The following GABRG3 variants were observed in gnomAD, a reference collection of about 807,000 sequenced individuals.
GABRG3 encodes the protein gamma-aminobutyric acid type A receptor subunit gamma3, also known as gamma-aminobutyric acid receptor subunit gamma-3.
GABRG3 carries 25 observed loss-of-function variants against 48.8 expected under a neutral mutation model. The ratio of observed to expected loss-of-function variants is 0.51; its 90% CI spans 0.37 to 0.72. GABRG3 has a LOEUF of 0.72. GABRG3 is among the 30% of genes least tolerant of loss of function. The pLI is 0.00. For synonymous variants in GABRG3, 227 were observed against 217.6 expected, an observed-to-expected ratio of 1.04 and a Z score of -0.38; for missense variants, 394 against 577.9, an observed-to-expected ratio of 0.68 and a Z score of 3.26.
chr15:27,182,411 T>C (rs2140417460), intron 3 of GABRG3, among the ~76,000 whole-genome samples: 1 of 152,326 alleles, frequency 6.6e-6, no homozygotes, highest in African/African-American at 2.4e-5. Flanking sequence ...GGCAGCTACA[T>C]CCATGGATTG....
intron 5 of GABRG3, among the ~76,000 whole-genome samples, chr15:27,442,424 C>A (rs1426241311): frequency 6.6e-6 from 1 of 152,210 alleles, no homozygotes; most frequent in Admixed American, 6.5e-5. Flanking sequence ...GAATACACTC[C>A]TGTGCACATG....
At chr15:27,272,887 A>T (rs978608943) in intron 3 of GABRG3, among the ~76,000 whole-genome samples, 2 of 152,240 alleles carry the variant, frequency 1.3e-5, no homozygotes, top group Non-Finnish European at 2.9e-5. Flanking sequence ...CCATTGAAAC[A>T]TATACCCTAC....
intron 3 of GABRG3, among the ~76,000 whole-genome samples, chr15:27,101,910 T>G (rs1897366691): frequency 6.6e-6 from 1 of 151,904 alleles, no homozygotes; most frequent in Non-Finnish European, 1.5e-5. Flanking sequence ...TTTATGAATT[T>G]GTGTTGGGCT....
intron 5 of GABRG3, among the ~76,000 whole-genome samples, chr15:27,376,700 A>C (rs9707944): frequency 0.5 from 76,004 of 151,962 alleles, 20,611 homozygotes; most frequent in African/African-American, 0.71. Flanking sequence ...CCCTAGGCTG[A>C]ACACCACAGG....
At chr15:27,215,354 G>A (rs965566660) in intron 3 of GABRG3, among the ~76,000 whole-genome samples, 1 of 152,134 alleles carries the variant, frequency 6.6e-6, no homozygotes, top group Non-Finnish European at 1.5e-5. Flanking sequence ...ATTTGCCTTG[G>A]CAAGCCCTCC....
chr15:27,368,301 T>C (rs1595708752), intron 5 of GABRG3, among the ~76,000 whole-genome samples: 1 of 152,116 alleles, frequency 6.6e-6, no homozygotes, highest in African/African-American at 2.4e-5. Flanking sequence ...TGGAGGTGTG[T>C]GGGCAAAGCA....
At chr15:27,465,296 C>T (rs985111238) in intron 5 of GABRG3, among the ~76,000 whole-genome samples, 10 of 152,166 alleles carry the variant, frequency 6.6e-5, no homozygotes, top group Admixed American at 3.9e-4. Flanking sequence ...TGCGTTTTCA[C>T]GTTTTTAAAG....
rs187739196 is a variant in GABRG3 at position 27,523,956 on chromosome 15, G to T, written c.866-3477G>T. Among the ~76,000 whole-genome samples, 4 of 151,932 alleles carry T rather than the reference G, an allele frequency of 2.6e-5. No homozygotes were observed. The East Asian group carries it at 5.8e-4, about 22-fold the overall frequency. On this transcript the variant is annotated intron_variant, in intron 7 of 9. Transcript: ENST00000615808. ...TCCAGAAAAAGAGAAATAGAATGGG[G>T]CTAAAAAAAATATTCAAAGAAACAA...
At chr15:27,133,249 T>C (rs1434946280) in intron 3 of GABRG3, among the ~76,000 whole-genome samples, 1 of 152,216 alleles carries the variant, frequency 6.6e-6, no homozygotes, top group Non-Finnish European at 1.5e-5. Flanking sequence ...CTACTTTTTT[T>C]CTACCAGCCT....
chr15:27,053,701 A>G (rs540565197), intron 3 of GABRG3, among the ~76,000 whole-genome samples: 1 of 152,370 alleles, frequency 6.6e-6, no homozygotes, highest in South Asian at 2.1e-4. Context: ...TATTCACAAT[A>G]GCAAAGACAT....
intron 5 of GABRG3, among the ~76,000 whole-genome samples, chr15:27,380,829 A>T (rs566430870): frequency 2.0e-5 from 3 of 148,694 alleles, no homozygotes; most frequent in African/African-American, 7.5e-5. Flanking sequence ...GCAGTGGCGT[A>T]ATCTCGGCTC....
chr15:27,410,128 A>G (rs1023219591), intron 5 of GABRG3, among the ~76,000 whole-genome samples: 1 of 152,290 alleles, frequency 6.6e-6, no homozygotes, highest in African/African-American at 2.4e-5. Flanking sequence ...TTATAAGTAG[A>G]TATTAAATTT....
At chr15:27,151,270 C>T (rs79667201) in intron 3 of GABRG3, among the ~76,000 whole-genome samples, 1,833 of 152,022 alleles carry the variant, frequency 0.012, 38 homozygotes, top group African/African-American at 0.042. Context: ...CTCCTGGCAA[C>T]GACTAATCTG....
At chr15:27,193,451 C>A (rs1036173667) in intron 3 of GABRG3, among the ~76,000 whole-genome samples, 1 of 151,274 alleles carries the variant, frequency 6.6e-6, no homozygotes, top group Non-Finnish European at 1.5e-5. Flanking sequence ...GCCTCACTGC[C>A]GCCTTGCAGT....
At chr15:27,333,952 T>C (rs1422203468) in intron 5 of GABRG3, among the ~76,000 whole-genome samples, 2 of 152,230 alleles carry the variant, frequency 1.3e-5, no homozygotes, top group African/African-American at 4.8e-5. Flanking sequence ...TTAAGTTGTT[T>C]TGAAAATAAT....
At chr15:27,225,293 C>T (rs577457144) in intron 3 of GABRG3, among the ~76,000 whole-genome samples, 1 of 152,206 alleles carries the variant, frequency 6.6e-6, no homozygotes, top group African/African-American at 2.4e-5. Context: ...CCTTCGCTTC[C>T]CAGACACCGC....
intron 3 of GABRG3, among the ~76,000 whole-genome samples, chr15:27,296,136 T>C (rs1385322461): frequency 1.3e-5 from 2 of 152,118 alleles, no homozygotes; most frequent in Non-Finnish European, 2.9e-5. Context: ...AGACCTGCCT[T>C]ATGAGAAATA....
chr15:27,304,394 G>C (rs941843495), intron 3 of GABRG3, among the ~76,000 whole-genome samples: 4 of 151,748 alleles, frequency 2.6e-5, no homozygotes, highest in Non-Finnish European at 4.4e-5. Context: ...TATTAATCAG[G>C]TATATTTATT....
At chr15:26,982,410 G>C (rs763089788) in intron 2 of GABRG3, among the ~76,000 whole-genome samples, 3 of 152,142 alleles carry the variant, frequency 2.0e-5, no homozygotes, top group African/African-American at 7.2e-5. Context: ...ATTGCAAATG[G>C]GGAGACAGTG....
Sources: gnomAD v4.1 joint callset for allele counts (sites outside exome capture counted in the v4.1 genomes callset) on GRCh38, gnomAD v4.1.1 for gene constraint, MANE v1.5 for transcripts, NCBI Gene and HGNC (gene_info 2026-07-23, HGNC 2026-07-21) for gene names.